The following ALS2CL variants were observed in gnomAD, a reference collection of about 807,000 sequenced individuals.
ALS2CL encodes ALS2 C-terminal like, also known as ALS2 C-terminal-like protein.
Under a neutral mutation model 127.9 loss-of-function variants are expected in ALS2CL, and 112 were observed. The ratio of observed to expected loss-of-function variants is 0.88; its 90% CI spans 0.75 to 1.02. The LOEUF (loss-of-function observed/expected upper bound fraction) is 1.02, where lower values mean the gene tolerates loss of function less well. ALS2CL is among the 50% of genes least tolerant of loss of function. ALS2CL has a pLI of 0.00. For missense variants in ALS2CL, 1,174 were observed against 1,236.7 expected, an observed-to-expected ratio of 0.95 and a Z score of 0.76; for synonymous variants, 519 against 527.6, an observed-to-expected ratio of 0.98 and a Z score of 0.22.
intron 14 of ALS2CL, 25 bp downstream of exon 14, chr3:46,680,405 A>C: frequency 6.2e-7 from 1 of 1,604,388 alleles, no homozygotes; most frequent in Non-Finnish European, 8.5e-7. Context: ...AAAGAGAGGG[A>C]TAGCCCAGGA....
intron 16 of ALS2CL, 90 bp downstream of exon 16, chr3:46,678,169 A>G (rs1699023546): frequency 3.0e-6 from 4 of 1,343,510 alleles, no homozygotes; most frequent in Non-Finnish European, 3.9e-6. Context: ...GTGGGTGCAA[A>G]AAGGCCCCTC....
chr3:46,691,544 C>T (rs1005995151), intron 1 of ALS2CL, among the ~76,000 whole-genome samples: 1 of 152,086 alleles, frequency 6.6e-6, no homozygotes, highest in African/African-American at 2.4e-5. Flanking sequence ...CTCGTCCCCA[C>T]TGCCCAGTCT....
intron 25 of ALS2CL, 66 bp from the exon 26 acceptor site, chr3:46,671,130 T>C (rs1698349810): frequency 6.7e-7 from 1 of 1,494,946 alleles, no homozygotes; most frequent in Admixed American, 1.7e-5. Flanking sequence ...GCACAGGATC[T>C]AGGGCTCAAT....
Position 46,681,887 on chromosome 3 carries a change from C to T in ALS2CL, c.1175+142G>A, listed in dbSNP as rs947579447. ...CCCGGTTCCCCTTTGGTACAGTGGGCGGGGGCTGGACCGGATTGTCTCTAA... is the reference window on the plus strand; with the variant it reads ...CCCGGTTCCCCTTTGGTACAGTGGGTGGGGGCTGGACCGGATTGTCTCTAA... On this transcript the variant is annotated intron_variant, in intron 11 of 25. Transcript: ENST00000318962. The surrounding 1 kb of genome is among the most constrained non-coding windows in gnomAD (Gnocchi z 4.9). 2.1e-5 allele frequency: 23 copies of T among 1,092,138 alleles called. No homozygotes were observed. The highest frequency in any genetic ancestry group is 2.1e-4 in the East Asian group (8 of 38,520). 67.7% of individuals were successfully genotyped at this position (1,092,138 alleles called of 1,614,324 possible).
At chr3:46,672,258 C>G in intron 22 of ALS2CL, 57 bp from the exon 23 acceptor site, 1 of 1,601,540 alleles carries the variant, frequency 6.2e-7, no homozygotes, top group East Asian at 2.2e-5. Context: ...TCTGACATCC[C>G]CTCCTTCCCA....
chr3:46,681,221 G>T lies in ALS2CL; in HGVS notation c.1436+25C>A, dbSNP rs766459491. The T allele has an allele frequency of 3.1e-6, 5 of 1,613,660 alleles. No individual in the cohort carries two copies. Among genetic ancestry groups the T allele is most frequent in the Admixed American group, 1.7e-5 (1 of 60,004 alleles). ...GGGCCCGGTCCACCCCTCCGTCCTGGGAGTGGTGGCTGCAGGGCGCTCACC... is the reference window on the plus strand; with the variant it reads ...GGGCCCGGTCCACCCCTCCGTCCTGTGAGTGGTGGCTGCAGGGCGCTCACC... On this transcript the variant is annotated intron_variant, in intron 13 of 25. Transcript: ENST00000318962. This position sits in a 1 kb window ranked among gnomAD's most constrained non-coding sequence, Gnocchi z 4.9.
chr3:46,683,666 G>C (rs1699539367), intron 9 of ALS2CL, 116 bp downstream of exon 9: 1 of 1,306,626 alleles, frequency 7.7e-7, no homozygotes, highest in Non-Finnish European at 1.1e-6. Flanking sequence ...GTCCCCAGAA[G>C]CCTGCCAGAC....
Position 46,689,745 on chromosome 3 carries a change from A to T in ALS2CL, c.-25-280T>A, listed in dbSNP as rs146801029. On this transcript the variant is annotated intron_variant, in intron 1 of 25. Coordinates refer to ENST00000318962, the MANE Select transcript of ALS2CL (RefSeq NM_147129.5). ...CAAAGGGTAGATGTTCTTTAAGCCC[A>T]GTTTGGCCTGCTCATTCCTCTGCTC... Among the ~76,000 whole-genome samples, 4 of 152,350 alleles carry T rather than the reference A, an allele frequency of 2.6e-5. No individual in the cohort carries two copies. In the East Asian group the frequency reaches 7.7e-4, roughly 29 times the overall value.
At chr3:46,688,358 T>A in intron 2 of ALS2CL, 62 bp from the exon 3 acceptor site, 1 of 1,513,514 alleles carries the variant, frequency 6.6e-7, no homozygotes, top group Non-Finnish European at 9.0e-7. Context: ...CCAGGGAACA[T>A]GCACAGGCCC....
chr3:46,677,852 G>A (rs1698986570), intron 16 of ALS2CL, among the ~76,000 whole-genome samples: 1 of 152,160 alleles, frequency 6.6e-6, no homozygotes. Flanking sequence ...TGGCTGCCAG[G>A]AAACTCAGAG....
Position 46,676,361 on chromosome 3 carries a change from C to A in ALS2CL, c.2070G>T (p.Arg690=), listed in dbSNP as rs1451581819. The A allele has an allele frequency of 1.2e-6, 2 of 1,613,944 alleles. No individual in the cohort carries two copies. Among genetic ancestry groups the A allele is most frequent in the Non-Finnish European group, 1.7e-6 (2 of 1,179,986 alleles). The change falls in exon 19 of 26, where the codon CGG becomes CGT. Residue 690 remains arginine, a synonymous_variant. Transcript: ENST00000318962. The stretch of plus-strand genomic sequence containing the variant: ...TAGCCTGGAAGGTCAGCATCAGTGT[C>A]CGGAGCAGCTTTCCCAGGGGGTGCA... ...NSLHPLGKLL[R]TLMLTFQATY...
chr3:46,677,331 AAGAGAGACCAGTGTCCAAAGT>A, intron 16 of ALS2CL: 1 of 1,179,572 alleles, frequency 8.5e-7, no homozygotes, highest in Non-Finnish European at 1.1e-6. Context: ...GTCTTGGTCC[AAGAGAGACCAGTGTCCAAAGT>A]CTGGGATTCC....
chr3:46,688,590 G>A (rs1451840384), intron 2 of ALS2CL, among the ~76,000 whole-genome samples: 1 of 152,170 alleles, frequency 6.6e-6, no homozygotes, highest in Non-Finnish European at 1.5e-5. Context: ...GTACATACAC[G>A]AATTCCCCCC....
At chr3:46,672,504 G>T (rs769041896) in intron 22 of ALS2CL, among the ~76,000 whole-genome samples, 1 of 152,338 alleles carries the variant, frequency 6.6e-6, no homozygotes, top group Non-Finnish European at 1.5e-5. Context: ...TGCCTATGTC[G>T]ATGGTTCTCA....
intron 9 of ALS2CL, 63 bp from the exon 10 acceptor site, chr3:46,683,389 C>T: frequency 6.7e-7 from 1 of 1,502,440 alleles, no homozygotes; most frequent in Non-Finnish European, 9.0e-7. Context: ...CTCCAGGAAG[C>T]CTTCTGGGGT....
rs930030793 is a variant in ALS2CL at position 46,683,073 on chromosome 3, C to T, written c.1109+57G>A. ...GACAATTAGGCTTGTGTGCTGCTCT[C>T]TGCCCCGCAGACCCCCAGGGAGTCC... On this transcript the variant is annotated intron_variant, in intron 10 of 25. Coordinates refer to ENST00000318962, the MANE Select transcript of ALS2CL (RefSeq NM_147129.5). 3 of 1,471,778 alleles carry T rather than the reference C, an allele frequency of 2.0e-6. No individual in the cohort carries two copies. In the African/African-American group the frequency reaches 4.3e-5, roughly 21 times the overall value. 91.2% of individuals were successfully genotyped at this position (1,471,778 alleles called of 1,614,324 possible). A position where few individuals can be genotyped will look rare whatever the true frequency, so the allele number is the denominator to read the frequency against.
In ALS2CL at chr3:46,686,234, A is replaced by C. The variant is rs368503290; in HGVS notation, c.666+74T>G. 1.9e-4 allele frequency: 278 copies of C among 1,491,484 alleles called. 1 individual carries two copies. The African/African-American group carries it at 3.5e-3, about 19-fold the overall frequency. The allele number at this position is 1,491,484 out of a possible 1,614,324, so 92.4% of individuals were successfully genotyped here. A position where few individuals can be genotyped will look rare whatever the true frequency, so the allele number is the denominator to read the frequency against. On this transcript the variant is annotated intron_variant, in intron 6 of 25. Coordinates refer to ENST00000318962, the MANE Select transcript of ALS2CL (RefSeq NM_147129.5). The surrounding 1 kb of genome is among the most constrained non-coding windows in gnomAD (Gnocchi z 4.3). The stretch of plus-strand genomic sequence containing the variant: ...CTGAGGCCCAGAGAATACAGCAAGC[A>C]GCTCAAGCCCCCCAACATCTCCATG...
At chr3:46,675,724 T>C in intron 19 of ALS2CL, 38 bp from the exon 20 acceptor site, 1 of 1,611,810 alleles carries the variant, frequency 6.2e-7, no homozygotes, top group Non-Finnish European at 8.5e-7. Context: ...TGGCTGCCCC[T>C]TGCCACAGAA....
intron 7 of ALS2CL, among the ~76,000 whole-genome samples, chr3:46,685,113 C>A (rs1373292945): frequency 6.6e-6 from 1 of 152,198 alleles, no homozygotes; most frequent in Non-Finnish European, 1.5e-5. Context: ...GCCTTCTCAT[C>A]CAGCCCTCCT....
Sources: gnomAD v4.1 joint callset for allele counts (sites outside exome capture counted in the v4.1 genomes callset) on GRCh38, gnomAD v4.1.1 for gene constraint, Gnocchi (gnomAD v3.1) non-coding constraint, MANE v1.5 for transcripts, NCBI Gene and HGNC (gene_info 2026-07-23, HGNC 2026-07-21) for gene names.